ASIC2: variants seen among roughly 807,000 people sequenced by gnomAD.
ASIC2 encodes acid-sensing ion channel 2.
ASIC2 carries 25 observed loss-of-function variants against 57.3 expected under a neutral mutation model. The observed-to-expected ratio is 0.44, with a 90% CI of 0.32 to 0.61. ASIC2 has a LOEUF of 0.61. Among genes scored for constraint, ASIC2 ranks in the 20% least tolerant of loss-of-function variants. ASIC2 has a pLI of 0.06. For missense variants in ASIC2, 641 were observed against 738.1 expected (o/e 0.87, Z 1.52); for synonymous variants, 319 against 307.5 (o/e 1.04, Z -0.39).
intron 1 of ASIC2, among the ~76,000 whole-genome samples, chr17:33,389,114 C>T (rs1329138283): frequency 3.3e-5 from 5 of 152,208 alleles, no homozygotes; most frequent in Admixed American, 1.3e-4. Flanking sequence ...CACAAGCCAC[C>T]ATGCCTGGCT....
At chr17:33,210,463 A>G (rs1907226339) in intron 1 of ASIC2, among the ~76,000 whole-genome samples, 1 of 152,038 alleles carries the variant, frequency 6.6e-6, no homozygotes, top group African/African-American at 2.4e-5. Context: ...CTCCATCTGC[A>G]CTCTCATCCC....
intron 1 of ASIC2, among the ~76,000 whole-genome samples, chr17:33,818,671 C>A (rs142886407): frequency 7.5e-4 from 114 of 152,290 alleles, no homozygotes; most frequent in Middle Eastern, 3.4e-3. Flanking sequence ...AGGACTGCCC[C>A]CACAACAAAG....
At chr17:33,202,180 C>G (rs1906894805) in intron 1 of ASIC2, among the ~76,000 whole-genome samples, 1 of 152,172 alleles carries the variant, frequency 6.6e-6, no homozygotes, top group Non-Finnish European at 1.5e-5. Flanking sequence ...CTGCCTGCAT[C>G]AGAACCAGCA....
chr17:33,434,600 C>T (rs534767827), intron 1 of ASIC2, among the ~76,000 whole-genome samples: 3 of 152,086 alleles, frequency 2.0e-5, no homozygotes, highest in African/African-American at 7.2e-5. Flanking sequence ...GATTTTTTAT[C>T]CAGAAAAACT....
intron 1 of ASIC2, among the ~76,000 whole-genome samples, chr17:34,092,037 G>A (rs1349017254): frequency 1.4e-5 from 2 of 147,200 alleles, no homozygotes; most frequent in African/African-American, 5.3e-5. Flanking sequence ...CTGTGGCTGT[G>A]GCAACAGTGG....
At chr17:34,022,206 G>C (rs939630635) in intron 1 of ASIC2, among the ~76,000 whole-genome samples, 1 of 152,094 alleles carries the variant, frequency 6.6e-6, no homozygotes, top group Non-Finnish European at 1.5e-5. Flanking sequence ...TCTACCTCTG[G>C]TCAGTTTCTG....
chr17:34,008,281 C>T lies in ASIC2; in HGVS notation c.555+147697G>A, dbSNP rs1237968005. Among the ~76,000 whole-genome samples, 15 of 152,228 alleles carry T rather than the reference C, an allele frequency of 9.9e-5. No homozygotes were observed. In the East Asian group the frequency reaches 2.1e-3, roughly 22 times the overall value. Reference sequence around the variant, plus strand: ...TAAAGACCAGAAAGTTGAAATGACCCGCCCAAACTTGTTCTACAGTAAGCC... The same window carrying T: ...TAAAGACCAGAAAGTTGAAATGACCTGCCCAAACTTGTTCTACAGTAAGCC... On this transcript the variant is annotated intron_variant, in intron 1 of 9. Coordinates refer to the ASIC2 transcript ENST00000359872.
intron 1 of ASIC2, among the ~76,000 whole-genome samples, chr17:33,114,210 G>A (rs1454085066): frequency 1.3e-5 from 2 of 152,186 alleles, no homozygotes; most frequent in Non-Finnish European, 2.9e-5. Context: ...TGGAATTAAT[G>A]CAAAGTCCAA....
At chr17:34,018,904 CTTTTTG>C (rs1023812073) in intron 1 of ASIC2, among the ~76,000 whole-genome samples, 3 of 151,666 alleles carry the variant, frequency 2.0e-5, no homozygotes, top group African/African-American at 7.3e-5. Context: ...AAAGTGACTT[CTTTTTG>C]TTTGTTTTTT....
intron 1 of ASIC2, among the ~76,000 whole-genome samples, chr17:34,052,063 C>T (rs201808420): frequency 6.6e-6 from 1 of 152,144 alleles, no homozygotes; most frequent in East Asian, 1.9e-4. Context: ...ATTGATTCAT[C>T]CACTCTTTCA....
chr17:33,787,546 TAG>T (rs1157855986), intron 1 of ASIC2, among the ~76,000 whole-genome samples: 3 of 152,192 alleles, frequency 2.0e-5, no homozygotes, highest in African/African-American at 7.2e-5. Flanking sequence ...TTTGAGCCTC[TAG>T]AAGGTATCAT....
intron 1 of ASIC2, among the ~76,000 whole-genome samples, chr17:33,431,947 A>G (rs1423132276): frequency 6.6e-6 from 1 of 152,232 alleles, no homozygotes. Context: ...TGATGCAAGG[A>G]CAACACAAAT....
chr17:34,131,592 G>A (rs973722736), intron 1 of ASIC2, among the ~76,000 whole-genome samples: 11 of 152,208 alleles, frequency 7.2e-5, no homozygotes, highest in African/African-American at 2.7e-4. Context: ...ACCATTCCTG[G>A]GGGGAAGCCA....
chr17:33,126,627 A>G (rs2092323983), intron 1 of ASIC2, among the ~76,000 whole-genome samples: 1 of 152,126 alleles, frequency 6.6e-6, no homozygotes, highest in Non-Finnish European at 1.5e-5. Context: ...TCCACTAAAA[A>G]TACAAAAAAT....
chr17:33,213,293 G>C (rs1260541723), intron 1 of ASIC2, among the ~76,000 whole-genome samples: 1 of 152,226 alleles, frequency 6.6e-6, no homozygotes, highest in African/African-American at 2.4e-5. Flanking sequence ...TGCTTGGAAA[G>C]ACCAGAAACA....
rs567098338 is a variant in ASIC2 at position 33,535,388 on chromosome 17, T to C, written c.556-423321A>G. The stretch of plus-strand genomic sequence containing the variant: ...CCCAGGTTCATGCCATTCTCCTGCC[T>C]CAGCCTCCCGAGTAGCTGGGACTAC... On this transcript the variant is annotated intron_variant, in intron 1 of 9. Coordinates refer to the ASIC2 transcript ENST00000359872. Among the ~76,000 whole-genome samples the C allele has an allele frequency of 2.0e-5, 3 of 151,502 alleles. No individual in the cohort carries two copies. The East Asian group carries it at 5.9e-4, about 30-fold the overall frequency.
chr17:34,085,270 G>C (rs1157948434), intron 1 of ASIC2, among the ~76,000 whole-genome samples: 1 of 152,100 alleles, frequency 6.6e-6, no homozygotes, highest in Non-Finnish European at 1.5e-5. Flanking sequence ...TTTGTCAAAG[G>C]CCTTTTCTGC....
chr17:33,145,210 G>A (rs940778276), intron 1 of ASIC2, among the ~76,000 whole-genome samples: 2 of 152,230 alleles, frequency 1.3e-5, no homozygotes, highest in African/African-American at 4.8e-5. Context: ...GGTGGACTGG[G>A]GAAGGCAGCC....
chr17:33,210,002 C>T (rs1187494750), intron 1 of ASIC2, among the ~76,000 whole-genome samples: 1 of 152,162 alleles, frequency 6.6e-6, no homozygotes, highest in East Asian at 1.9e-4. Context: ...CTAACTTTAA[C>T]CCCGAAGTGG....
Sources: allele counts gnomAD v4.1 joint callset (sites outside exome capture counted in the v4.1 genomes callset), GRCh38; gene constraint gnomAD v4.1.1; transcripts MANE v1.5; gene names NCBI Gene and HGNC (gene_info 2026-07-23, HGNC 2026-07-21).